The following ZNF345 variants were observed in gnomAD, a reference collection of about 807,000 sequenced individuals.
ZNF345 encodes the protein zinc finger protein HZF10.
For synonymous variants in ZNF345, 166 were observed against 187.9 expected, an observed-to-expected ratio of 0.88 and a Z score of 0.95; for missense variants, 527 against 589.9, an observed-to-expected ratio of 0.89 and a Z score of 1.10.
At chr19:36,869,307 A>T (rs1393442557) in intron 2 of ZNF345, among the ~76,000 whole-genome samples, 1 of 152,172 alleles carries the variant, frequency 6.6e-6, no homozygotes, top group Non-Finnish European at 1.5e-5. Context: ...CACAGTAAAG[A>T]GACACATAGA....
chr19:36,862,877 A>G (rs2072581586), intron 2 of ZNF345: 1 of 152,038 alleles, frequency 6.6e-6, no homozygotes, highest in Admixed American at 6.6e-5. Flanking sequence ...TGAGGCCATT[A>G]AGGTGAGTAC....
intron 2 of ZNF345, among the ~76,000 whole-genome samples, chr19:36,868,227 C>T (rs778879859): frequency 6.6e-6 from 1 of 152,168 alleles, no homozygotes; most frequent in Non-Finnish European, 1.5e-5. Flanking sequence ...TAGTCTCAAA[C>T]TCCTGACCTT....
chr19:36,862,153 A>AC (rs2072561969), intron 2 of ZNF345, among the ~76,000 whole-genome samples: 1 of 151,960 alleles, frequency 6.6e-6, no homozygotes, highest in African/African-American at 2.4e-5. Context: ...GAGCCACTGC[A>AC]CCCGGCCAAC....
At chr19:36,892,156 T>C (rs781717744) in intron 3 of ZNF345, 2 of 1,614,016 alleles carry the variant, frequency 1.2e-6, no homozygotes, top group Middle Eastern at 1.6e-4. Context: ...CTTACATTCA[T>C]AGGGTTTTTT....
Position 36,878,415 on chromosome 19 carries a change from G to T in ZNF345, c.*118G>T, listed in dbSNP as rs1003648969. On this transcript the variant is annotated 3_prime_UTR_variant, in exon 3 of 3. Coordinates refer to ENST00000420450, the MANE Select transcript of ZNF345 (RefSeq NM_001242472.2). ...TTACTTATGCTTCACAGGTTAGTCA[G>T]TCTAAGAATATTTATACAGGAAAAA... 4.6e-6 allele frequency: 4 copies of T among 877,032 alleles called. No individual in the cohort carries two copies. Among genetic ancestry groups the T allele is most frequent in the Non-Finnish European group, 6.6e-6 (4 of 608,324 alleles). 54.3% of individuals were successfully genotyped at this position (877,032 alleles called of 1,614,324 possible).
At chr19:36,856,230 A>G (rs998849661) in intron 2 of ZNF345, among the ~76,000 whole-genome samples, 2 of 152,150 alleles carry the variant, frequency 1.3e-5, no homozygotes, top group Non-Finnish European at 2.9e-5. Context: ...CCCTACCTAC[A>G]TTGTAAATCA....
chr19:36,893,010 G>A (rs868269878), exon 4 of ZNF345: 16 of 408,016 alleles, frequency 3.9e-5, no homozygotes, highest in African/African-American at 2.5e-4. Context: ...TTATATACAC[G>A]TTCATAAACA....
chr19:36,892,386 A>C (rs1419711055), intron 3 of ZNF345: 1 of 1,613,074 alleles, frequency 6.2e-7, no homozygotes, highest in Non-Finnish European at 8.5e-7. Flanking sequence ...GAATAAAAGT[A>C]GACATGTCTT....
chr19:36,878,252 A>G lies in ZNF345; in HGVS notation c.1422A>G (p.Lys474=). 6.2e-7 allele frequency: 1 copy of G among 1,604,618 alleles called. No homozygotes were observed. The highest frequency in any genetic ancestry group is 8.5e-7 in the Non-Finnish European group (1 of 1,177,006). ...GRDSEFQQHK[K]SHNGKKLCEL... ...ATTCAGAGTTTCAGCAACATAAGAA[A>G]AGTCATAATGGTAAGAAACTCTGCG... Residue 474 remains lysine, a synonymous_variant, in exon 3 of 3, where the codon AAA becomes AAG. Coordinates refer to ENST00000420450, the MANE Select transcript of ZNF345 (RefSeq NM_001242472.2).
intron 2 of ZNF345, among the ~76,000 whole-genome samples, chr19:36,867,646 A>G (rs1229263589): frequency 1.3e-5 from 2 of 152,198 alleles, no homozygotes; most frequent in Non-Finnish European, 2.9e-5. Context: ...TTTATGATTT[A>G]GCACTTCTGT....
At chr19:36,882,479 G>A (rs1405668085), downstream of ZNF345, among the ~76,000 whole-genome samples, 1 of 152,200 alleles carries the variant, frequency 6.6e-6, no homozygotes, top group Admixed American at 6.5e-5. Context: ...ATGTTGGCCA[G>A]GATGGTCTCG....
downstream of ZNF345, among the ~76,000 whole-genome samples, chr19:36,883,866 G>A (rs1042100055): frequency 1.3e-5 from 2 of 152,128 alleles, no homozygotes; most frequent in African/African-American, 4.8e-5. Flanking sequence ...CACTGAGTTA[G>A]AGAAACTGAA....
chr19:36,892,110 A>C (rs1365047857), intron 3 of ZNF345: 1 of 1,613,942 alleles, frequency 6.2e-7, no homozygotes, highest in East Asian at 2.2e-5. Flanking sequence ...GATGTTGAGA[A>C]AAATATGAAC....
intron 2 of ZNF345, among the ~76,000 whole-genome samples, chr19:36,866,638 CT>C (rs2072666118): frequency 6.6e-6 from 1 of 152,152 alleles, no homozygotes; most frequent in Admixed American, 6.5e-5. Flanking sequence ...CAACCTCCAC[CT>C]CCCGATTCAA....
intron 2 of ZNF345, among the ~76,000 whole-genome samples, chr19:36,867,833 A>C (rs994035989): frequency 6.6e-6 from 1 of 152,042 alleles, no homozygotes; most frequent in Non-Finnish European, 1.5e-5. Context: ...GTTTTATTCC[A>C]TTAGTTTACA....
chr19:36,890,516 C>A (rs1364729394), intron 3 of ZNF345: 1 of 151,614 alleles, frequency 6.6e-6, no homozygotes, highest in Non-Finnish European at 1.5e-5. Context: ...TTATAAATGA[C>A]CTTCTTTGTC....
intron 2 of ZNF345, among the ~76,000 whole-genome samples, chr19:36,854,088 C>A (rs2072349836): frequency 6.6e-6 from 1 of 152,170 alleles, no homozygotes; most frequent in African/African-American, 2.4e-5. Context: ...TGTTTCTCAA[C>A]AAGGTCTTGT....
intron 2 of ZNF345, among the ~76,000 whole-genome samples, chr19:36,863,718 G>A (rs2072602857): frequency 6.6e-6 from 1 of 152,208 alleles, no homozygotes. Context: ...TGAACTGAGA[G>A]TTAATAAACC....
At chr19:36,863,025 G>A (rs1415375478) in intron 2 of ZNF345, 2 of 152,182 alleles carry the variant, frequency 1.3e-5, no homozygotes, top group Non-Finnish European at 2.9e-5. Context: ...AGAGGCCTCA[G>A]AAGAAACCAA....
Sources: allele counts gnomAD v4.1 joint callset (sites outside exome capture counted in the v4.1 genomes callset), GRCh38; gene constraint gnomAD v4.1.1; transcripts MANE v1.5; gene names NCBI Gene and HGNC (gene_info 2026-07-23, HGNC 2026-07-21).